The following PLXDC2 variants were observed in gnomAD, a reference collection of about 807,000 sequenced individuals.
The protein encoded by PLXDC2 is plexin domain-containing protein 2.
In PLXDC2, 40 loss-of-function variants were observed where a neutral mutation model predicts 68.9. The ratio of observed to expected loss-of-function variants is 0.58; its 90% confidence interval spans 0.45 to 0.76. The LOEUF (loss-of-function observed/expected upper bound fraction) is 0.76, where lower values mean the gene tolerates loss of function less well. Ranked by LOEUF, PLXDC2 falls within the 30% of genes least tolerant of loss-of-function variation. The pLI is 0.00. For missense variants in PLXDC2, 644 were observed against 661.9 expected (o/e 0.97, Z 0.30); for synonymous variants, 243 against 234.2 (o/e 1.04, Z -0.34).
chr10:20,123,841 G>T (rs1029356364), intron 4 of PLXDC2, among the ~76,000 whole-genome samples: 1 of 151,902 alleles, frequency 6.6e-6, no homozygotes, highest in African/African-American at 2.4e-5. Flanking sequence ...AGATATAAGA[G>T]GTTGGGGCAT....
rs184306956 is a variant in PLXDC2, at chr10:19,982,944, T to C, written c.113-18831T>C. The stretch of plus-strand genomic sequence containing the variant: ...AACAGTACATCTGCTAAAATTTAGG[T>C]ATATTATTTTTAAAATTTCATTTTA... On this transcript the variant is annotated intron_variant, in intron 1 of 13. Coordinates refer to ENST00000377252, the MANE Select transcript of PLXDC2 (RefSeq NM_032812.9). 2.0e-5 allele frequency among the ~76,000 whole-genome samples: 3 copies of C among 152,340 alleles called. No individual in the cohort carries two copies. In the East Asian group the frequency reaches 5.8e-4, roughly 29 times the overall value.
At chr10:20,073,430 CCT>C (rs1165791152) in intron 4 of PLXDC2, among the ~76,000 whole-genome samples, 3 of 152,038 alleles carry the variant, frequency 2.0e-5, no homozygotes, top group Non-Finnish European at 1.5e-5. Flanking sequence ...TTCCACAGCC[CCT>C]CTTTGTATGT....
At chr10:20,119,792 G>A (rs1438440269) in intron 4 of PLXDC2, among the ~76,000 whole-genome samples, 1 of 151,910 alleles carries the variant, frequency 6.6e-6, no homozygotes, top group African/African-American at 2.4e-5. Flanking sequence ...TTTGTGGTAA[G>A]GGGTGATATT....
intron 4 of PLXDC2, among the ~76,000 whole-genome samples, chr10:20,092,245 T>C (rs143528060): frequency 1.7e-3 from 255 of 152,306 alleles, no homozygotes; most frequent in African/African-American, 5.8e-3. Flanking sequence ...ACTGATCATA[T>C]GATTTTTAAA....
chr10:20,097,120 G>A (rs1047805482), intron 4 of PLXDC2, among the ~76,000 whole-genome samples: 10 of 152,114 alleles, frequency 6.6e-5, no homozygotes, highest in Admixed American at 5.2e-4. Flanking sequence ...TTGATCTAGA[G>A]GCATTTGTCT....
At chr10:19,999,718 A>G (rs569175483) in intron 1 of PLXDC2, among the ~76,000 whole-genome samples, 98 of 152,288 alleles carry the variant, frequency 6.4e-4, no homozygotes, top group Non-Finnish European at 1.5e-5. Context: ...TCTGGTTGTC[A>G]TAAAGTTTTA....
intron 1 of PLXDC2, among the ~76,000 whole-genome samples, chr10:19,910,475 A>G (rs977071816): frequency 2.6e-4 from 39 of 151,408 alleles, no homozygotes; most frequent in Admixed American, 2.4e-3. Flanking sequence ...GGGATTACGG[A>G]TCTGGTGCCT....
intron 4 of PLXDC2, among the ~76,000 whole-genome samples, chr10:20,122,226 G>T (rs1260142101): frequency 6.6e-6 from 1 of 152,160 alleles, no homozygotes; most frequent in Non-Finnish European, 1.5e-5. Context: ...GTTTTAAGAG[G>T]TTTAGAAGCC....
intron 1 of PLXDC2, among the ~76,000 whole-genome samples, chr10:19,855,958 G>C (rs1253381933): frequency 2.0e-5 from 3 of 152,238 alleles, no homozygotes; most frequent in Middle Eastern, 6.8e-3. Context: ...AGCCAGGCCT[G>C]GTGGCAGGTG....
At chr10:20,068,318 C>A in intron 4 of PLXDC2, 79 bp downstream of exon 4, 1 of 1,159,296 alleles carries the variant, frequency 8.6e-7, no homozygotes, top group Non-Finnish European at 1.2e-6. Context: ...CTCTATATTT[C>A]AAGATGGATA....
intron 13 of PLXDC2, among the ~76,000 whole-genome samples, chr10:20,257,457 G>GACACAA (rs1835755573): frequency 6.6e-6 from 1 of 151,816 alleles, no homozygotes; most frequent in Non-Finnish European, 1.5e-5. Flanking sequence ...GCAAAAATAA[G>GACACAA]ACACAAACAC....
intron 1 of PLXDC2, among the ~76,000 whole-genome samples, chr10:19,837,227 T>G (rs1281610869): frequency 6.6e-6 from 1 of 151,218 alleles, no homozygotes; most frequent in East Asian, 2.0e-4. Flanking sequence ...AAAAAAGAAA[T>G]GAAGTGAAAT....
chr10:19,984,306 G>A (rs1834600463), intron 1 of PLXDC2, among the ~76,000 whole-genome samples: 1 of 152,106 alleles, frequency 6.6e-6, no homozygotes, highest in Non-Finnish European at 1.5e-5. Flanking sequence ...GAACATCCCA[G>A]GTGGACTTTG....
chr10:20,024,828 T>C (rs1344976407), intron 2 of PLXDC2, among the ~76,000 whole-genome samples: 2 of 152,160 alleles, frequency 1.3e-5, no homozygotes, highest in African/African-American at 2.4e-5. Flanking sequence ...TATTTGTTTT[T>C]CTGTTCCTGC....
At chr10:19,831,463 A>T (rs1313897089) in intron 1 of PLXDC2, among the ~76,000 whole-genome samples, 2 of 152,064 alleles carry the variant, frequency 1.3e-5, no homozygotes, top group African/African-American at 4.8e-5. Flanking sequence ...GCTGAGGGGT[A>T]CATGTGAAGG....
At chr10:20,058,343 G>A (rs945589099) in intron 3 of PLXDC2, among the ~76,000 whole-genome samples, 5 of 152,066 alleles carry the variant, frequency 3.3e-5, no homozygotes, top group Admixed American at 3.3e-4. Flanking sequence ...CATGGACTTG[G>A]AACTAGACTG....
rs375744275 is a variant in PLXDC2 at position 19,973,314 on chromosome 10, A to G, written c.113-28461A>G. 3.4e-3 allele frequency among the ~76,000 whole-genome samples: 470 copies of G among 136,930 alleles called. 1 individual carries two copies. Among genetic ancestry groups the G allele is most frequent in the Non-Finnish European group, 6.0e-3 (380 of 63,734 alleles). 89.8% of individuals were successfully genotyped at this position (136,930 alleles called of 152,430 possible). ...TATATATGTATATATATATACTCAC[A>G]TATATATGTATACATATATATGTGT... On this transcript the variant is annotated intron_variant, in intron 1 of 13. Coordinates refer to ENST00000377252, the MANE Select transcript of PLXDC2 (RefSeq NM_032812.9).
intron 12 of PLXDC2, among the ~76,000 whole-genome samples, chr10:20,238,810 G>A (rs781549402): frequency 6.7e-6 from 1 of 149,840 alleles, no homozygotes; most frequent in Non-Finnish European, 1.5e-5. Flanking sequence ...ATAGCAGATT[G>A]CTTTGATAGA....
intron 1 of PLXDC2, among the ~76,000 whole-genome samples, chr10:19,890,200 T>G (rs1837927720): frequency 1.3e-5 from 2 of 152,232 alleles, no homozygotes; most frequent in South Asian, 4.1e-4. Context: ...GATAGAGAAC[T>G]GCTTTTTTCA....
Sources: gnomAD v4.1 joint callset for allele counts (sites outside exome capture counted in the v4.1 genomes callset) on GRCh38, gnomAD v4.1.1 for gene constraint, MANE v1.5 for transcripts, NCBI Gene and HGNC (gene_info 2026-07-23, HGNC 2026-07-21) for gene names.